The following CLYBL variants were observed in gnomAD, a reference collection of about 807,000 sequenced individuals.
CLYBL encodes the protein citramalyl-CoA lyase.
CLYBL carries 31 observed loss-of-function variants against 38.9 expected under a neutral mutation model. The observed-to-expected ratio is 0.80, with a 90% CI of 0.60 to 1.08. CLYBL has a LOEUF of 1.08. Among genes scored for constraint, CLYBL ranks in the 50% least tolerant of loss-of-function variants. The pLI is 0.00. For missense variants in CLYBL, 434 were observed against 411.6 expected (o/e 1.05, Z -0.47); for synonymous variants, 171 against 158.6 (o/e 1.08, Z -0.59).
In CLYBL at chr13:99,728,403, C is replaced by T. The variant is rs570370085; in HGVS notation, c.63-44421C>T. On this transcript the variant is annotated intron_variant, in intron 1 of 8. Transcript: ENST00000339105. The stretch of plus-strand genomic sequence containing the variant: ...AAGCGATTATCCTGCCTCAGCCTCC[C>T]GAGTAGCAGAGACTACGGGTGTGTG... Among the ~76,000 whole-genome samples, 13 of 151,586 alleles carry T rather than the reference C, an allele frequency of 8.6e-5. No individual in the cohort carries two copies. The South Asian group carries it at 1.5e-3, about 17-fold the overall frequency.
intron 1 of CLYBL, among the ~76,000 whole-genome samples, chr13:99,654,400 G>T (rs575169162): frequency 7.2e-5 from 11 of 152,258 alleles, no homozygotes; most frequent in African/African-American, 2.2e-4. Context: ...GGAGGGGCTG[G>T]CTGGGGCTCG....
intron 2 of CLYBL, among the ~76,000 whole-genome samples, chr13:99,839,044 G>A (rs2051005529): frequency 6.6e-6 from 1 of 152,238 alleles, no homozygotes; most frequent in Non-Finnish European, 1.5e-5. Flanking sequence ...AGCATATTGA[G>A]CAGATGAAGA....
chr13:99,878,232 T>G (rs1301766677), intron 7 of CLYBL, among the ~76,000 whole-genome samples: 1 of 152,266 alleles, frequency 6.6e-6, no homozygotes, highest in African/African-American at 2.4e-5. Flanking sequence ...AATTATTTCA[T>G]CAGTTGTTAT....
chr13:99,863,019 A>G lies in CLYBL; in HGVS notation c.467A>G (p.Lys156Arg). The G allele has an allele frequency of 6.2e-7, 1 of 1,611,268 alleles. No individual in the cohort carries two copies. Among genetic ancestry groups the G allele is most frequent in the Non-Finnish European group, 8.5e-7 (1 of 1,178,686 alleles). The change falls in exon 4 of 9, where the codon AAA becomes AGA. Residue 156 changes from lysine (K) to arginine (R), a missense_variant. Physicochemically the swap from Lys to Arg is conservative, Grantham distance 26. Coordinates refer to ENST00000339105, the MANE Select transcript of CLYBL (RefSeq NM_206808.5). ...WFADKFSFHLKGRKLEQPMNL... is the reference protein window; with the variant it reads ...WFADKFSFHLRGRKLEQPMNL... Reference sequence around the variant, plus strand: ...GCAGACAAATTTTCATTCCACTTAAAAGGCCGAAAACTTGAACAACCAATG... The same window carrying G: ...GCAGACAAATTTTCATTCCACTTAAGAGGCCGAAAACTTGAACAACCAATG...
At chr13:99,872,023 T>C (rs907683317) in intron 7 of CLYBL, among the ~76,000 whole-genome samples, 2 of 149,278 alleles carry the variant, frequency 1.3e-5, no homozygotes, top group African/African-American at 4.9e-5. Flanking sequence ...GAAAAACTGG[T>C]TTTTAGTGGT....
rs2139238201 is a variant in CLYBL, at chr13:99,632,595, A to T, written c.62+25838A>T. On this transcript the variant is annotated intron_variant, in intron 1 of 8. Coordinates refer to ENST00000339105, the MANE Select transcript of CLYBL (RefSeq NM_206808.5). The stretch of plus-strand genomic sequence containing the variant: ...CATCTCTACTAAATATACAAAAAAA[A>T]TTAGCCAGGTGTGCTGGTGGGCACC... 1.3e-5 allele frequency among the ~76,000 whole-genome samples: 2 copies of T among 152,294 alleles called. 1 individual carries two copies. The highest frequency in any genetic ancestry group is 1.3e-4 in the Admixed American group (2 of 15,298).
intron 1 of CLYBL, among the ~76,000 whole-genome samples, chr13:99,715,045 C>T (rs535857951): frequency 2.1e-4 from 32 of 152,298 alleles, no homozygotes; most frequent in African/African-American, 7.5e-4. Flanking sequence ...AGGTTATCAG[C>T]TGGGGGCCCA....
intron 1 of CLYBL, among the ~76,000 whole-genome samples, chr13:99,701,230 A>G (rs1015393145): frequency 6.6e-6 from 1 of 152,234 alleles, no homozygotes; most frequent in African/African-American, 2.4e-5. Flanking sequence ...CTTAATGCAT[A>G]TCAGGAAATG....
chr13:99,675,679 A>G (rs1053630357), intron 1 of CLYBL, among the ~76,000 whole-genome samples: 1 of 152,246 alleles, frequency 6.6e-6, no homozygotes, highest in Non-Finnish European at 1.5e-5. Flanking sequence ...TTCAAGCTTC[A>G]TCCAAGCTGT....
At chr13:99,762,734 T>C (rs1441818120) in intron 1 of CLYBL, among the ~76,000 whole-genome samples, 1 of 152,206 alleles carries the variant, frequency 6.6e-6, no homozygotes, top group African/African-American at 2.4e-5. Context: ...AGGGATTGCA[T>C]TGAATTTGTA....
intron 1 of CLYBL, among the ~76,000 whole-genome samples, chr13:99,734,712 A>T (rs2048640361): frequency 6.6e-6 from 1 of 152,162 alleles, no homozygotes. Flanking sequence ...CCATGAACCA[A>T]ATCCCATGTA....
intron 1 of CLYBL, among the ~76,000 whole-genome samples, chr13:99,716,763 TCTTA>T (rs1311772873): frequency 1.3e-5 from 2 of 150,856 alleles, no homozygotes; most frequent in African/African-American, 2.4e-5. Flanking sequence ...AAACTTTCCC[TCTTA>T]CTTTAATTTC....
chr13:99,821,936 C>T (rs192132334), intron 2 of CLYBL, among the ~76,000 whole-genome samples: 1 of 152,336 alleles, frequency 6.6e-6, no homozygotes, highest in African/African-American at 2.4e-5. Context: ...TGGACTAGGC[C>T]ACATGGCTTG....
At chr13:99,732,061 C>T (rs1299791247) in intron 1 of CLYBL, among the ~76,000 whole-genome samples, 1 of 150,620 alleles carries the variant, frequency 6.6e-6, no homozygotes, top group African/African-American at 2.4e-5. Context: ...TTTGTTTTTT[C>T]TTTTTCCCTT....
chr13:99,788,871 A>G (rs1255834640), intron 2 of CLYBL, among the ~76,000 whole-genome samples: 1 of 152,140 alleles, frequency 6.6e-6, no homozygotes, highest in African/African-American at 2.4e-5. Flanking sequence ...TATTGCCTCA[A>G]TTTCAGAGCC....
chr13:99,619,236 T>C (rs1364005805), intron 1 of CLYBL, among the ~76,000 whole-genome samples: 1 of 152,182 alleles, frequency 6.6e-6, no homozygotes, highest in Non-Finnish European at 1.5e-5. Flanking sequence ...TTAGTATCAT[T>C]GGAAAGAGGC....
intron 1 of CLYBL, among the ~76,000 whole-genome samples, chr13:99,716,411 A>G (rs1162446869): frequency 9.4e-6 from 1 of 106,724 alleles, no homozygotes; most frequent in South Asian, 3.1e-4. Flanking sequence ...TTTTTTTTTA[A>G]TAGAGTCTGT....
At chr13:99,703,560 G>A (rs2048102595) in intron 1 of CLYBL, among the ~76,000 whole-genome samples, 2 of 151,886 alleles carry the variant, frequency 1.3e-5, no homozygotes, top group Admixed American at 6.6e-5. Context: ...TAGTAGAGAC[G>A]GTATTTCACC....
intron 1 of CLYBL, among the ~76,000 whole-genome samples, chr13:99,666,506 GT>G (rs766228193): frequency 7.2e-5 from 11 of 152,044 alleles, no homozygotes; most frequent in East Asian, 1.9e-4. Context: ...TTCCCTGTAG[GT>G]TTTTTCCCCC....
Sources: allele counts gnomAD v4.1 joint callset (sites outside exome capture counted in the v4.1 genomes callset), GRCh38; gene constraint gnomAD v4.1.1; transcripts MANE v1.5; gene names NCBI Gene and HGNC (gene_info 2026-07-23, HGNC 2026-07-21).